Variants in NRG3 observed in about 807,000 individuals in gnomAD.
The protein encoded by NRG3 is neuregulin 3, also known as pro-neuregulin-3, membrane-bound isoform.
NRG3 carries 31 observed loss-of-function variants against 66.9 expected under a neutral mutation model. The observed-to-expected ratio is 0.46, with a 90% CI of 0.35 to 0.63. NRG3 has a LOEUF of 0.63. Among genes scored for constraint, NRG3 ranks in the 20% least tolerant of loss-of-function variants. NRG3 has a pLI of 0.00. For synonymous variants in NRG3, 393 were observed against 359.4 expected (o/e 1.09, Z -1.06); for missense variants, 910 against 878.9 (o/e 1.04, Z -0.45).
At chr10:82,876,641 A>G (rs1287069880) in intron 4 of NRG3, among the ~76,000 whole-genome samples, 1 of 152,168 alleles carries the variant, frequency 6.6e-6, no homozygotes, top group African/African-American at 2.4e-5. Flanking sequence ...ACTGCACGTG[A>G]GTTGGTAGTA....
At chr10:82,600,543 G>A (rs184753400) in intron 2 of NRG3, among the ~76,000 whole-genome samples, 10 of 152,160 alleles carry the variant, frequency 6.6e-5, no homozygotes, top group East Asian at 1.9e-4. Flanking sequence ...CGATCTCAGC[G>A]CATTGCAACC....
intron 2 of NRG3, among the ~76,000 whole-genome samples, chr10:82,645,518 A>G (rs1335330102): frequency 1.3e-5 from 2 of 152,186 alleles, no homozygotes; most frequent in East Asian, 1.9e-4. Flanking sequence ...TAATTGCTCC[A>G]AAGTCATTCT....
intron 1 of NRG3, among the ~76,000 whole-genome samples, chr10:82,120,751 G>C (rs1400940679): frequency 6.6e-6 from 1 of 151,298 alleles, no homozygotes; most frequent in Non-Finnish European, 1.5e-5. Context: ...AAGAAGGTTT[G>C]CTTGGCATTT....
chr10:81,889,626 A>G (rs1272242028), intron 1 of NRG3: 1 of 152,192 alleles, frequency 6.6e-6, no homozygotes, highest in Admixed American at 6.5e-5. Context: ...AATTAGTATT[A>G]ATAGCCAATG....
intron 1 of NRG3, among the ~76,000 whole-genome samples, chr10:81,881,931 T>G (rs115419531): frequency 0.017 from 2,518 of 152,268 alleles, 40 homozygotes; most frequent in African/African-American, 0.04. Flanking sequence ...GGGAATCTCT[T>G]GCAGTTTTCT....
At chr10:82,443,794 A>G (rs1271446863) in intron 2 of NRG3, among the ~76,000 whole-genome samples, 1 of 152,198 alleles carries the variant, frequency 6.6e-6, no homozygotes, top group Non-Finnish European at 1.5e-5. Flanking sequence ...CTCTAGCTCA[A>G]TGCTCTTGAT....
At chr10:82,232,574 C>G in intron 1 of NRG3, 2 of 562,474 alleles carry the variant, frequency 3.6e-6, no homozygotes. Context: ...GACCGTTTTT[C>G]TGGTTACTAA....
chr10:82,295,889 C>G (rs2080030360), intron 1 of NRG3, among the ~76,000 whole-genome samples: 1 of 139,814 alleles, frequency 7.2e-6, no homozygotes, highest in Admixed American at 7.0e-5. Flanking sequence ...GTTCTGAGAA[C>G]CCAAAAGTAA....
At chr10:82,926,399 G>A (rs747835791) in intron 4 of NRG3, among the ~76,000 whole-genome samples, 2 of 152,158 alleles carry the variant, frequency 1.3e-5, no homozygotes, top group Non-Finnish European at 2.9e-5. Context: ...TTGTGATGAA[G>A]TTCCACCACT....
intron 2 of NRG3, among the ~76,000 whole-genome samples, chr10:82,391,999 A>C (rs1157161460): frequency 1.4e-5 from 2 of 148,024 alleles, no homozygotes; most frequent in Non-Finnish European, 3.0e-5. Flanking sequence ...CATGCAAAAA[A>C]AAAAAAAAAA....
intron 1 of NRG3, among the ~76,000 whole-genome samples, chr10:81,935,388 C>T (rs951266924): frequency 2.0e-5 from 3 of 151,982 alleles, no homozygotes; most frequent in East Asian, 1.9e-4. Flanking sequence ...CACCAGATGA[C>T]GATTTTTGTT....
chr10:82,919,557 T>C, intron 4 of NRG3, among the ~76,000 whole-genome samples: 1 of 152,188 alleles, frequency 6.6e-6, no homozygotes, highest in East Asian at 1.9e-4. Flanking sequence ...TAAAATATTT[T>C]GCCTTTCCCA....
intron 2 of NRG3, among the ~76,000 whole-genome samples, chr10:82,491,311 T>TACATATATATATATATATATATAC (rs1463309947): frequency 2.2e-5 from 3 of 134,730 alleles, no homozygotes; most frequent in Non-Finnish European, 4.9e-5. Flanking sequence ...TATATATATA[T>TACATATATATATATATATATATAC]ATATAAAATA....
At chr10:82,662,356 CT>C (rs201289037) in intron 2 of NRG3, among the ~76,000 whole-genome samples, 6,637 of 149,692 alleles carry the variant, frequency 0.044, 189 homozygotes, top group South Asian at 0.071. Context: ...CAAACAGACT[CT>C]TTTAAAAAAA....
At chr10:82,825,733 T>C (rs1330622815) in intron 3 of NRG3, among the ~76,000 whole-genome samples, 1 of 152,198 alleles carries the variant, frequency 6.6e-6, no homozygotes, top group East Asian at 1.9e-4. Context: ...GTTTATATAT[T>C]TCAACAAGGG....
At chr10:82,313,877 A>G (rs1676986988) in intron 1 of NRG3, among the ~76,000 whole-genome samples, 1 of 152,222 alleles carries the variant, frequency 6.6e-6, no homozygotes, top group Non-Finnish European at 1.5e-5. Context: ...AGTTCAAGAA[A>G]GACAATTCTA....
intron 1 of NRG3, among the ~76,000 whole-genome samples, chr10:81,984,526 T>C (rs2060451050): frequency 6.6e-6 from 1 of 152,158 alleles, no homozygotes; most frequent in African/African-American, 2.4e-5. Context: ...TTTCCAAAAT[T>C]TTCTCATAAA....
intron 1 of NRG3, among the ~76,000 whole-genome samples, chr10:82,197,868 T>A (rs887608026): frequency 6.6e-6 from 1 of 152,198 alleles, no homozygotes; most frequent in Non-Finnish European, 1.5e-5. Context: ...TGTTAATTAT[T>A]GTAAACCAAA....
At chr10:82,246,235 T>C (rs1281162508) in intron 1 of NRG3, among the ~76,000 whole-genome samples, 3 of 152,188 alleles carry the variant, frequency 2.0e-5, no homozygotes, top group African/African-American at 7.2e-5. Context: ...GCAGTGACCA[T>C]CTCCCTTATC....
Sources: gnomAD v4.1 joint callset for allele counts (sites outside exome capture counted in the v4.1 genomes callset) on GRCh38, gnomAD v4.1.1 for gene constraint, MANE v1.5 for transcripts, NCBI Gene and HGNC (gene_info 2026-07-23, HGNC 2026-07-21) for gene names.